Variants in LMBR1 observed in about 807,000 individuals in gnomAD.
LMBR1 encodes the protein limb region 1 protein homolog.
In LMBR1, 52 loss-of-function variants were observed where a neutral mutation model predicts 73.9. The observed-to-expected ratio is 0.70, with a 90% CI of 0.56 to 0.89. LMBR1 has a LOEUF of 0.89. Among genes scored for constraint, LMBR1 ranks in the 40% least tolerant of loss-of-function variants. The pLI is 0.00. For missense variants in LMBR1, 539 were observed against 579.8 expected (o/e 0.93, Z 0.72); for synonymous variants, 215 against 209.4 (o/e 1.03, Z -0.23).
At chr7:156,675,096 A>C (rs906669637), downstream of LMBR1, among the ~76,000 whole-genome samples, 1 of 152,260 alleles carries the variant, frequency 6.6e-6, no homozygotes, top group African/African-American at 2.4e-5. Context: ...AAGGCAGCGC[A>C]GACCGGAAGA....
chr7:156,888,591 C>G lies in LMBR1; in HGVS notation c.66+4337G>C, dbSNP rs1802351586. 3.3e-5 allele frequency among the ~76,000 whole-genome samples: 5 copies of G among 151,946 alleles called. No homozygotes were observed. The South Asian group carries it at 1.0e-3, about 31-fold the overall frequency. ...GATGAATGAATGGGTAAGCAAAATA[C>G]AGTATACACAAAAAGAAAATATTAT... On this transcript the variant is annotated intron_variant, in intron 1 of 16. Coordinates refer to ENST00000353442, the MANE Select transcript of LMBR1 (RefSeq NM_022458.4).
intron 9 of LMBR1, among the ~76,000 whole-genome samples, chr7:156,739,443 G>A (rs1226460028): frequency 6.6e-6 from 1 of 152,220 alleles, no homozygotes; most frequent in African/African-American, 2.4e-5. Context: ...AGGGCCTTGA[G>A]AGAACACAGG....
chr7:156,804,018 A>T (rs1001654205), intron 4 of LMBR1, among the ~76,000 whole-genome samples: 9 of 150,978 alleles, frequency 6.0e-5, no homozygotes, highest in African/African-American at 2.2e-4. Context: ...GGGGAGGGAT[A>T]GCATTAGGAG....
intron 15 of LMBR1, among the ~76,000 whole-genome samples, chr7:156,716,893 G>A (rs1813328084): frequency 6.6e-6 from 1 of 152,150 alleles, no homozygotes; most frequent in African/African-American, 2.4e-5. Flanking sequence ...CCTAGAGGGA[G>A]GATCACTTGA....
At chr7:156,738,924 C>A in intron 9 of LMBR1, among the ~76,000 whole-genome samples, 1 of 152,122 alleles carries the variant, frequency 6.6e-6, no homozygotes, top group East Asian at 1.9e-4. Flanking sequence ...CTGAAAGACT[C>A]CTTCTGCTTG....
chr7:156,704,183 C>T (rs1273429785), intron 15 of LMBR1, among the ~76,000 whole-genome samples: 1 of 152,180 alleles, frequency 6.6e-6, no homozygotes, highest in East Asian at 1.9e-4. Flanking sequence ...AATACACTGT[C>T]CCATGGCACA....
At chr7:156,769,340 C>T (rs1469334254) in intron 5 of LMBR1, among the ~76,000 whole-genome samples, 4 of 152,118 alleles carry the variant, frequency 2.6e-5, no homozygotes, top group East Asian at 1.9e-4. Context: ...AACATTCCTT[C>T]GTCTTACAAC....
chr7:156,819,749 G>C (rs1834460318), intron 4 of LMBR1, among the ~76,000 whole-genome samples: 1 of 152,182 alleles, frequency 6.6e-6, no homozygotes, highest in Non-Finnish European at 1.5e-5. Flanking sequence ...AGTCAGAGTA[G>C]GGGCTTATGG....
chr7:156,873,275 A>T (rs1799606530), intron 1 of LMBR1, among the ~76,000 whole-genome samples: 1 of 150,656 alleles, frequency 6.6e-6, no homozygotes, highest in Non-Finnish European at 1.5e-5. Context: ...TACAGCTCTT[A>T]AGGCAGCGCG....
chr7:156,882,733 ACTT>A (rs111695914), intron 1 of LMBR1, among the ~76,000 whole-genome samples: 4,243 of 152,332 alleles, frequency 0.028, 203 homozygotes, highest in African/African-American at 0.097. Flanking sequence ...ATAATTGCAC[ACTT>A]AAAACTTTAA....
chr7:156,674,950 A>G (rs866648073), downstream of LMBR1, among the ~76,000 whole-genome samples: 5 of 152,324 alleles, frequency 3.3e-5, no homozygotes, highest in Middle Eastern at 6.8e-3. Flanking sequence ...CAACCAAGAA[A>G]ACAGCAGGGG....
chr7:156,891,376 C>A (rs1327514365), intron 1 of LMBR1, among the ~76,000 whole-genome samples: 1 of 151,180 alleles, frequency 6.6e-6, no homozygotes, highest in African/African-American at 2.4e-5. Flanking sequence ...CACACAACTA[C>A]TGCACCGAGA....
chr7:156,836,173 A>T (rs1194332083), intron 2 of LMBR1, among the ~76,000 whole-genome samples: 1 of 152,252 alleles, frequency 6.6e-6, no homozygotes, highest in Non-Finnish European at 1.5e-5. Flanking sequence ...GTATTCATAC[A>T]GCACCTACTA....
At chr7:156,798,146 T>C (rs1220021817) in intron 4 of LMBR1, among the ~76,000 whole-genome samples, 3 of 152,232 alleles carry the variant, frequency 2.0e-5, no homozygotes, top group Non-Finnish European at 4.4e-5. Context: ...TGTGACAACA[T>C]TGCTAAATCA....
intron 10 of LMBR1, among the ~76,000 whole-genome samples, chr7:156,732,899 T>G (rs1175117801): frequency 6.6e-6 from 1 of 152,186 alleles, no homozygotes; most frequent in East Asian, 1.9e-4. Flanking sequence ...ATCCCAGTAC[T>G]TTGGGAGGCT....
chr7:156,686,206 G>C (rs1307523177), intron 16 of LMBR1, among the ~76,000 whole-genome samples: 1 of 152,134 alleles, frequency 6.6e-6, no homozygotes, highest in Non-Finnish European at 1.5e-5. Context: ...CTGTCATGTA[G>C]GTTATGCATT....
At chr7:156,839,009 T>A (rs941231190) in intron 1 of LMBR1, among the ~76,000 whole-genome samples, 23 of 151,886 alleles carry the variant, frequency 1.5e-4, no homozygotes, top group African/African-American at 5.1e-4. Flanking sequence ...TGGCCATCTG[T>A]ATGTCTTCTT....
chr7:156,692,138 C>T lies in LMBR1; in HGVS notation c.1226-3947G>A, dbSNP rs138141975. 1.2e-4 allele frequency among the ~76,000 whole-genome samples: 19 copies of T among 152,146 alleles called. No individual in the cohort carries two copies. The East Asian group carries it at 2.5e-3, about 20-fold the overall frequency. ...TCGCCCAGGCTGGAGTGCAGCAGCG[C>T]GATCTCAGCTCACTGCAACCCAAGC... On this transcript the variant is annotated intron_variant, in intron 15 of 16. Coordinates refer to ENST00000353442, the MANE Select transcript of LMBR1 (RefSeq NM_022458.4).
At position 156,892,968 on chromosome 7, in the gene LMBR1, G is replaced by A. The variant is rs773048809; in HGVS notation, c.26C>T (p.Ala9Val). Reference protein sequence around the residue: MEGQDEVSAREQHFHSQVR... With the variant: MEGQDEVSVREQHFHSQVR... ...TTGGCTGTGGAAGTGCTGCTCCCGC[G>A]CCGACACCTCGTCCTGCCCTTCCAT... The change falls in exon 1 of 17, where the codon GCG becomes GTG. Residue 9 changes from alanine (A) to valine (V), a missense_variant. Ala to Val is a moderately conservative substitution (Grantham distance 64, BLOSUM62 0). Transcript: ENST00000353442. 1.5e-5 allele frequency: 23 copies of A among 1,542,620 alleles called. No individual in the cohort carries two copies. In the Admixed American group the frequency reaches 4.4e-4, roughly 30 times the overall value.
Sources: allele counts gnomAD v4.1 joint callset (sites outside exome capture counted in the v4.1 genomes callset), GRCh38; gene constraint gnomAD v4.1.1; transcripts MANE v1.5; gene names NCBI Gene and HGNC (gene_info 2026-07-23, HGNC 2026-07-21).